ZNF385B: variants seen among roughly 807,000 people sequenced by gnomAD.
ZNF385B encodes the protein zinc finger protein 385B, also known as zinc finger protein 533.
In ZNF385B, 23 loss-of-function variants were observed where a neutral mutation model predicts 39.2. That is an observed-to-expected ratio of 0.59 (90% CI 0.42 to 0.83). ZNF385B has a LOEUF of 0.83. Among genes scored for constraint, ZNF385B ranks in the 40% least tolerant of loss-of-function variants. ZNF385B has a pLI of 0.00. For missense variants in ZNF385B, 552 were observed against 598.9 expected (o/e 0.92, Z 0.82); for synonymous variants, 205 against 222.6 (o/e 0.92, Z 0.70).
chr2:179,553,316 A>T (rs1023550359), intron 3 of ZNF385B, among the ~76,000 whole-genome samples: 2 of 149,056 alleles, frequency 1.3e-5, no homozygotes, highest in South Asian at 4.3e-4. Context: ...TTCCCCAAAT[A>T]ATAGTATTAT....
intron 3 of ZNF385B, among the ~76,000 whole-genome samples, chr2:179,550,792 TTGCTGCTGC>T (rs372924068): frequency 2.7e-5 from 4 of 149,066 alleles, no homozygotes; most frequent in Non-Finnish European, 5.9e-5. Context: ...ATTTCAGATT[TTGCTGCTGC>T]TGCTGCTGCT....
At chr2:179,711,524 C>T (rs895450429) in intron 3 of ZNF385B, among the ~76,000 whole-genome samples, 4 of 152,034 alleles carry the variant, frequency 2.6e-5, no homozygotes, top group African/African-American at 7.2e-5. Flanking sequence ...TAAGCATATG[C>T]GGAGAATGAC....
At chr2:179,794,389 G>A (rs1400808276) in intron 1 of ZNF385B, among the ~76,000 whole-genome samples, 1 of 109,460 alleles carries the variant, frequency 9.1e-6, no homozygotes, top group East Asian at 2.7e-4. Flanking sequence ...AGTTTCTGGA[G>A]GTGTCAGAAT....
At chr2:179,483,503 G>C (rs905829394) in intron 5 of ZNF385B, 69 bp from the exon 6 acceptor site, 1 of 1,592,840 alleles carries the variant, frequency 6.3e-7, no homozygotes, top group Non-Finnish European at 8.6e-7. Flanking sequence ...GATCATGCAG[G>C]AGAAAAATAC....
At chr2:179,505,444 A>G (rs1380570986) in intron 5 of ZNF385B, among the ~76,000 whole-genome samples, 1 of 152,096 alleles carries the variant, frequency 6.6e-6, no homozygotes, top group Non-Finnish European at 1.5e-5. Flanking sequence ...ATTCCTCTCA[A>G]ATGATATAAG....
intron 3 of ZNF385B, among the ~76,000 whole-genome samples, chr2:179,567,933 G>A (rs772803754): frequency 2.6e-5 from 4 of 152,098 alleles, no homozygotes; most frequent in East Asian, 1.9e-4. Flanking sequence ...TACGGTCTCC[G>A]ACATTTGGTT....
chr2:179,620,201 T>C (rs557077323), intron 3 of ZNF385B, among the ~76,000 whole-genome samples: 30 of 152,264 alleles, frequency 2.0e-4, no homozygotes, highest in African/African-American at 7.2e-4. Flanking sequence ...GAGATAAACT[T>C]TTCCTGTTCA....
chr2:179,826,388 C>T (rs1707685603), intron 1 of ZNF385B, among the ~76,000 whole-genome samples: 2 of 152,110 alleles, frequency 1.3e-5, no homozygotes, highest in Admixed American at 1.3e-4. Context: ...AGGTAGAAGG[C>T]TGGCTTGTTA....
chr2:179,574,430 A>G (rs1030584177), intron 3 of ZNF385B, among the ~76,000 whole-genome samples: 3 of 152,216 alleles, frequency 2.0e-5, no homozygotes, highest in Non-Finnish European at 4.4e-5. Flanking sequence ...AATCTAAAGT[A>G]TCCCTGTTTG....
chr2:179,806,772 C>T (rs1706378228), intron 1 of ZNF385B, among the ~76,000 whole-genome samples: 1 of 152,200 alleles, frequency 6.6e-6, no homozygotes, highest in East Asian at 1.9e-4. Context: ...ACCAAGTTAT[C>T]TGGCTTTTAC....
intron 5 of ZNF385B, among the ~76,000 whole-genome samples, chr2:179,497,546 A>G (rs1187115700): frequency 6.6e-6 from 1 of 152,078 alleles, no homozygotes; most frequent in Non-Finnish European, 1.5e-5. Flanking sequence ...AAACCAAAAA[A>G]AAAATACAAT....
chr2:179,699,258 A>G (rs1164665343), intron 3 of ZNF385B, among the ~76,000 whole-genome samples: 3 of 152,172 alleles, frequency 2.0e-5, no homozygotes, highest in Non-Finnish European at 2.9e-5. Flanking sequence ...AACTCACTCC[A>G]TTAAATAATA....
rs536170439 is a variant in ZNF385B, at chr2:179,729,146, A to C, written c.298+40357T>G. ...CTATTCTCAAAAAAAAAAAAAAAAAAACCAAGGAAATTAACTTTCTTTTTA... is the reference window on the plus strand; with the variant it reads ...CTATTCTCAAAAAAAAAAAAAAAAACACCAAGGAAATTAACTTTCTTTTTA... On this transcript the variant is annotated intron_variant, in intron 3 of 9. Coordinates refer to ENST00000410066, the MANE Select transcript of ZNF385B (RefSeq NM_152520.6). Among the ~76,000 whole-genome samples, 725 of 148,498 alleles carry C rather than the reference A, an allele frequency of 4.9e-3. 11 individuals are homozygous for C. The highest frequency in any genetic ancestry group is 0.017 in the African/African-American group (684 of 40,918).
At chr2:179,842,290 C>T (rs575521111) in intron 1 of ZNF385B, among the ~76,000 whole-genome samples, 1 of 152,234 alleles carries the variant, frequency 6.6e-6, no homozygotes, top group South Asian at 2.1e-4. Context: ...TCACACTATT[C>T]TATGAAACTG....
chr2:179,693,161 A>T (rs914465531), intron 3 of ZNF385B, among the ~76,000 whole-genome samples: 2 of 152,232 alleles, frequency 1.3e-5, no homozygotes, highest in Non-Finnish European at 2.9e-5. Flanking sequence ...GTCCATATTT[A>T]TTAGCCTATC....
intron 3 of ZNF385B, among the ~76,000 whole-genome samples, chr2:179,661,241 A>G (rs185767777): frequency 2.0e-5 from 3 of 152,358 alleles, no homozygotes; most frequent in Admixed American, 2.0e-4. Flanking sequence ...CAAAGGGAAC[A>G]AAGAAAGAGA....
intron 3 of ZNF385B, among the ~76,000 whole-genome samples, chr2:179,761,571 T>A (rs533132718): frequency 1.3e-5 from 2 of 150,864 alleles, no homozygotes; most frequent in Non-Finnish European, 3.0e-5. Context: ...TATATAAATA[T>A]AATATGCAAT....
chr2:179,780,288 G>GTT (rs1430472591), intron 1 of ZNF385B, among the ~76,000 whole-genome samples: 1 of 152,130 alleles, frequency 6.6e-6, no homozygotes, highest in Non-Finnish European at 1.5e-5. Context: ...AAAAGTCCAG[G>GTT]CTGTTTGTCC....
At position 179,732,596 on chromosome 2, in the gene ZNF385B, C is replaced by T. The variant is rs560550682; in HGVS notation, c.298+36907G>A. On this transcript the variant is annotated intron_variant, in intron 3 of 9. Transcript: ENST00000410066. ...TGATGTTGAATATAAGATAAAATCA[C>T]TCCCATTTGGGCTCAGCTGGGATTT... 2.0e-5 allele frequency among the ~76,000 whole-genome samples: 3 copies of T among 152,282 alleles called. No homozygotes were observed. In the East Asian group the frequency reaches 5.8e-4, roughly 29 times the overall value.
Sources: gnomAD v4.1 joint callset for allele counts (sites outside exome capture counted in the v4.1 genomes callset) on GRCh38, gnomAD v4.1.1 for gene constraint, MANE v1.5 for transcripts, NCBI Gene and HGNC (gene_info 2026-07-23, HGNC 2026-07-21) for gene names.